Variants in FOXP1 observed in about 807,000 individuals in gnomAD.
The protein encoded by FOXP1 is forkhead box protein P1.
A neutral mutation model predicts 98.2 loss-of-function variants in FOXP1; 15 were observed. The observed-to-expected ratio is 0.15, with a 90% CI of 0.10 to 0.24. The LOEUF is 0.24. Among genes scored for constraint, FOXP1 ranks in the 10% least tolerant of loss-of-function variants. FOXP1 has a pLI of 1.00. For missense variants in FOXP1, 633 were observed against 848.5 expected, an observed-to-expected ratio of 0.75 and a Z score of 3.15; for synonymous variants, 371 against 314.5, an observed-to-expected ratio of 1.18 and a Z score of -1.90.
chr3:71,261,130 T>C lies in FOXP1; in HGVS notation c.-12+38690A>G, dbSNP rs542171602. ...TAGTTCAAGATAAGAATGTAGGGTA[T>C]TACACAACCTATCATTTATACCTTT... On this transcript the variant is annotated intron_variant, in intron 5 of 20. Coordinates refer to ENST00000649528, the MANE Select transcript of FOXP1 (RefSeq NM_001349338.3). Among the ~76,000 whole-genome samples the C allele has an allele frequency of 3.9e-5, 6 of 152,278 alleles. No individual in the cohort carries two copies. In the South Asian group the frequency reaches 1.2e-3, roughly 32 times the overall value.
intron 7 of FOXP1, among the ~76,000 whole-genome samples, chr3:71,103,443 T>C (rs1451408339): frequency 6.6e-6 from 1 of 152,222 alleles, no homozygotes; most frequent in Non-Finnish European, 1.5e-5. Flanking sequence ...TTCGAGCTCA[T>C]CCTATATGCA....
intron 5 of FOXP1, among the ~76,000 whole-genome samples, chr3:71,200,265 C>T (rs1434177556): frequency 6.6e-6 from 1 of 152,144 alleles, no homozygotes; most frequent in African/African-American, 2.4e-5. Context: ...CAACTGCTAC[C>T]ATCTACTGAT....
At chr3:71,003,892 C>T (rs979756043) in intron 12 of FOXP1, among the ~76,000 whole-genome samples, 2 of 152,002 alleles carry the variant, frequency 1.3e-5, no homozygotes, top group Non-Finnish European at 2.9e-5. Flanking sequence ...TAAATTATAT[C>T]ACATCTTCAG....
At chr3:71,034,116 T>C (rs1163733913) in intron 11 of FOXP1, among the ~76,000 whole-genome samples, 1 of 152,074 alleles carries the variant, frequency 6.6e-6, no homozygotes, top group Non-Finnish European at 1.5e-5. Context: ...GTTTCTAACC[T>C]CCTGACTTCC....
At chr3:71,495,373 C>T (rs945192141) in intron 2 of FOXP1, among the ~76,000 whole-genome samples, 2 of 152,156 alleles carry the variant, frequency 1.3e-5, no homozygotes, top group Non-Finnish European at 2.9e-5. Context: ...ATTTGTCTTC[C>T]CCACTAGAAT....
At chr3:71,532,688 CT>C (rs1299800152) in intron 2 of FOXP1, among the ~76,000 whole-genome samples, 1 of 152,012 alleles carries the variant, frequency 6.6e-6, no homozygotes, top group African/African-American at 2.4e-5. Flanking sequence ...GGGCCTCCCT[CT>C]TTTTTTTCTT....
At chr3:71,241,716 G>A (rs1405723991) in intron 5 of FOXP1, among the ~76,000 whole-genome samples, 1 of 152,198 alleles carries the variant, frequency 6.6e-6, no homozygotes, top group Non-Finnish European at 1.5e-5. Flanking sequence ...ATGCAAATGA[G>A]ATTACTCTCA....
chr3:71,578,755 T>G (rs2047918572), intron 2 of FOXP1, among the ~76,000 whole-genome samples: 1 of 152,284 alleles, frequency 6.6e-6, no homozygotes, highest in Admixed American at 6.5e-5. Flanking sequence ...AGACATACCC[T>G]TCAACAGAGC....
intron 2 of FOXP1, among the ~76,000 whole-genome samples, chr3:71,566,182 T>C (rs1578204339): frequency 1.3e-5 from 2 of 152,350 alleles, no homozygotes; most frequent in Admixed American, 6.5e-5. Flanking sequence ...ACGGGGGTTA[T>C]GATCACGGTA....
intron 3 of FOXP1, among the ~76,000 whole-genome samples, chr3:71,390,042 A>G (rs190105620): frequency 1.6e-4 from 24 of 152,336 alleles, no homozygotes; most frequent in Admixed American, 1.6e-3. Flanking sequence ...TTTCACACCC[A>G]AGAACAAACT....
At chr3:71,046,431 A>G (rs2049043760) in intron 10 of FOXP1, among the ~76,000 whole-genome samples, 1 of 152,222 alleles carries the variant, frequency 6.6e-6, no homozygotes, top group Non-Finnish European at 1.5e-5. Context: ...AAAGGAAACT[A>G]AACAAAGTTT....
chr3:71,016,656 A>AAC (rs4056100), intron 11 of FOXP1, among the ~76,000 whole-genome samples: 6,711 of 146,042 alleles, frequency 0.046, 278 homozygotes, highest in East Asian at 0.12. Flanking sequence ...TGATTACAAG[A>AAC]ACACACACAC....
At chr3:71,176,642 C>T (rs1001730960) in intron 6 of FOXP1, among the ~76,000 whole-genome samples, 4 of 145,846 alleles carry the variant, frequency 2.7e-5, no homozygotes, top group Non-Finnish European at 3.0e-5. Context: ...TTGAGAGGCT[C>T]GGGTGGGAGG....
chr3:71,215,399 A>C (rs2064841351), intron 5 of FOXP1, among the ~76,000 whole-genome samples: 2 of 152,248 alleles, frequency 1.3e-5, no homozygotes. Flanking sequence ...GAAGACACAG[A>C]TTAATCAATT....
At chr3:71,404,575 GAA>G (rs35267597) in intron 3 of FOXP1, among the ~76,000 whole-genome samples, 3 of 145,470 alleles carry the variant, frequency 2.1e-5, no homozygotes, top group Non-Finnish European at 3.0e-5. Flanking sequence ...CCATTAAGAA[GAA>G]AAAAAAAAAC....
chr3:71,109,279 C>T (rs182303235), intron 7 of FOXP1, among the ~76,000 whole-genome samples: 10 of 152,268 alleles, frequency 6.6e-5, no homozygotes, highest in African/African-American at 2.4e-4. Context: ...TGATCTCTAT[C>T]GAGTAACCAC....
chr3:71,033,008 C>T (rs762806296), intron 11 of FOXP1, among the ~76,000 whole-genome samples: 16 of 152,056 alleles, frequency 1.1e-4, no homozygotes, highest in Non-Finnish European at 2.2e-4. Context: ...AGAGTAAAAC[C>T]GAGTACCATG....
intron 3 of FOXP1, among the ~76,000 whole-genome samples, chr3:71,470,394 G>C (rs2089216586): frequency 6.6e-6 from 1 of 152,206 alleles, no homozygotes; most frequent in African/African-American, 2.4e-5. Flanking sequence ...TTATTCATAA[G>C]TAATTCTTCT....
At chr3:71,581,265 G>A (rs905312834) in intron 2 of FOXP1, 2 of 985,202 alleles carry the variant, frequency 2.0e-6, no homozygotes, top group African/African-American at 1.7e-5. Context: ...TGAGAAGGGG[G>A]GCGAGGATGT....
Sources: allele counts gnomAD v4.1 joint callset (sites outside exome capture counted in the v4.1 genomes callset), GRCh38; gene constraint gnomAD v4.1.1; transcripts MANE v1.5; gene names NCBI Gene and HGNC (gene_info 2026-07-23, HGNC 2026-07-21).